Variants in ZNF667 observed in about 807,000 individuals in gnomAD.
The protein encoded by ZNF667 is zinc finger protein 667.
Under a neutral mutation model 31.8 loss-of-function variants are expected in ZNF667, and 13 were observed. The observed-to-expected ratio is 0.41, with a 90% confidence interval of 0.27 to 0.65. ZNF667 has a LOEUF of 0.65. ZNF667 is among the 30% of genes least tolerant of loss of function. The pLI, the probability that ZNF667 is intolerant of heterozygous loss-of-function variation, is 0.32. For missense variants in ZNF667, 642 were observed against 725.6 expected (o/e 0.88, Z 1.32); for synonymous variants, 228 against 247.1 (o/e 0.92, Z 0.73).
upstream of ZNF667, chr19:56,477,428 A>C (rs2043440042): frequency 6.6e-6 from 1 of 151,458 alleles, no homozygotes; most frequent in Admixed American, 6.6e-5. Context: ...GCCCCCAAAC[A>C]AGGCCACGCG....
At chr19:56,464,669 G>A (rs920377689) in intron 3 of ZNF667, among the ~76,000 whole-genome samples, 2 of 152,094 alleles carry the variant, frequency 1.3e-5, no homozygotes, top group Non-Finnish European at 2.9e-5. Flanking sequence ...AGCACTTACC[G>A]CTTTCTGAAA....
intron 6 of ZNF667, among the ~76,000 whole-genome samples, chr19:56,443,964 T>C (rs539718979): frequency 4.1e-4 from 62 of 152,290 alleles, no homozygotes; most frequent in African/African-American, 1.5e-3. Flanking sequence ...TACTGAGGAA[T>C]TGAAATGTGG....
chr19:56,462,492 G>A, intron 3 of ZNF667, 63 bp from the exon 4 acceptor site: 2 of 910,852 alleles, frequency 2.2e-6, no homozygotes, highest in Non-Finnish European at 1.8e-6. Context: ...CTAACCTGGA[G>A]ACACACACAC....
Position 56,462,413 on chromosome 19 carries a change from G to T in ZNF667, c.-43C>A, listed in dbSNP as rs769969463. 20 of 1,613,314 alleles carry T rather than the reference G, an allele frequency of 1.2e-5. No homozygotes were observed. The South Asian group carries it at 1.9e-4, about 15-fold the overall frequency. On this transcript the variant is annotated 5_prime_UTR_variant, in exon 4 of 7. Coordinates refer to ENST00000504904, the MANE Select transcript of ZNF667 (RefSeq NM_001321356.2). ...GGGTCCACACTGAGAGATGGGCAGAGAGCTGGTAAGGCAGGGCTGTGGGGA... is the reference window on the plus strand; with the variant it reads ...GGGTCCACACTGAGAGATGGGCAGATAGCTGGTAAGGCAGGGCTGTGGGGA...
rs1382939408 is a variant in ZNF667, at chr19:56,455,123, G to T, written c.253+3032C>A. ...AGAAAAATGCAAATCAAAACTACAT[G>T]GTATCATCTCACCCCAGTTAAAATG... On this transcript the variant is annotated intron_variant, in intron 6 of 6. Coordinates refer to ENST00000504904, the MANE Select transcript of ZNF667 (RefSeq NM_001321356.2). 3.9e-5 allele frequency among the ~76,000 whole-genome samples: 6 copies of T among 152,124 alleles called. No homozygotes were observed. In the South Asian group the frequency reaches 1.2e-3, roughly 32 times the overall value.
chr19:56,449,859 G>A (rs2042784123), intron 6 of ZNF667, among the ~76,000 whole-genome samples: 1 of 151,622 alleles, frequency 6.6e-6, no homozygotes, highest in South Asian at 2.1e-4. Context: ...GAATGCATCA[G>A]AGTCTCTCAA....
chr19:56,463,490 G>A (rs1035018553), intron 3 of ZNF667, among the ~76,000 whole-genome samples: 5 of 152,072 alleles, frequency 3.3e-5, no homozygotes, highest in South Asian at 2.1e-4. Context: ...AACTGAGCAC[G>A]GGAAATAAAA....
intron 3 of ZNF667, among the ~76,000 whole-genome samples, chr19:56,463,870 T>A (rs1303856934): frequency 1.3e-5 from 2 of 152,110 alleles, no homozygotes; most frequent in Non-Finnish European, 2.9e-5. Context: ...AAAACAATAA[T>A]AAAATAAAAT....
intron 1 of ZNF667, among the ~76,000 whole-genome samples, chr19:56,476,455 T>C (rs1470220695): frequency 6.6e-6 from 1 of 152,034 alleles, no homozygotes; most frequent in Non-Finnish European, 1.5e-5. Context: ...TCTGCCTCTG[T>C]ATAGGGTCAA....
At chr19:56,463,531 C>T (rs987301785) in intron 3 of ZNF667, among the ~76,000 whole-genome samples, 11 of 151,270 alleles carry the variant, frequency 7.3e-5, no homozygotes, top group Admixed American at 1.3e-4. Context: ...ATTTTCTTCC[C>T]TTTTTTTTTC....
Position 56,441,392 on chromosome 19 carries a change from C to A in ZNF667, c.1603G>T (p.Ala535Ser). The change falls in exon 7 of 7, where the codon GCC becomes TCC. Residue 535 changes from alanine to serine, a missense_variant. By Grantham distance (99) the Ala-to-Ser change is moderately conservative (BLOSUM62 1). Transcript: ENST00000504904. This position sits in a 1 kb window ranked among gnomAD's most constrained non-coding sequence, Gnocchi z 4.2. ...KPYTCKTCGK[A>S]FSQRTSLILH... is the part of the protein sequence containing the mutation. ...ATAAGAGATGTGCGCTGACTAAAGG[C>A]CTTACCACATGTTTTGCATGTATAT... 6.2e-7 allele frequency: 1 copy of A among 1,614,100 alleles called. No homozygotes were observed. The highest frequency in any genetic ancestry group is 8.5e-7 in the Non-Finnish European group (1 of 1,180,028).
At chr19:56,463,181 T>C (rs530971263) in intron 3 of ZNF667, among the ~76,000 whole-genome samples, 6 of 151,712 alleles carry the variant, frequency 4.0e-5, no homozygotes, top group East Asian at 1.9e-4. Context: ...GAGGGGGAGC[T>C]GAGAAGGGGA....
intron 5 of ZNF667, 83 bp from the exon 6 acceptor site, chr19:56,458,330 C>T (rs2042976462): frequency 3.4e-6 from 4 of 1,193,374 alleles, no homozygotes; most frequent in Non-Finnish European, 3.7e-6. Flanking sequence ...AACAGGAATG[C>T]AGGTTTAGTA....
chr19:56,455,073 A>G (rs999146546), intron 6 of ZNF667, among the ~76,000 whole-genome samples: 7 of 152,246 alleles, frequency 4.6e-5, no homozygotes, highest in Non-Finnish European at 7.3e-5. Flanking sequence ...GGCATATGAG[A>G]AAGTGCTCAA....
Position 56,442,079 on chromosome 19 carries a change from C to T in ZNF667, c.916G>A (p.Glu306Lys), listed in dbSNP as rs1489358490. 1 of 1,614,134 alleles carries T rather than the reference C, an allele frequency of 6.2e-7. No homozygotes were observed. The highest frequency in any genetic ancestry group is 1.6e-4 in the Middle Eastern group (1 of 6,062). ...FVVHKRIHAGEKIPENAKALS... is the reference protein window; with the variant it reads ...FVVHKRIHAGKKIPENAKALS... Reference sequence around the variant, plus strand: ...GCCTTCGCATTTTCAGGGATTTTCTCTCCAGCATGAATTCTTTTATGTACA... The same window carrying T: ...GCCTTCGCATTTTCAGGGATTTTCTTTCCAGCATGAATTCTTTTATGTACA... The change falls in exon 7 of 7, where the codon GAG (glutamate) becomes AAG (lysine). Residue 306 changes from glutamate (E) to lysine (K), a missense_variant. Physicochemically the swap from Glu to Lys is moderately conservative, Grantham distance 56. Transcript: ENST00000504904.
chr19:56,442,556 T>TTAA lies in ZNF667; in HGVS notation c.438_439insTTA (p.Cys146_Asn147insLeu). On this transcript the variant is annotated inframe_insertion, in exon 7 of 7. Coordinates refer to ENST00000504904, the MANE Select transcript of ZNF667 (RefSeq NM_001321356.2). ...CGACTAAAGGTTTTACCACAGTCATTACATTTTAAAGGTTTCTTCCCTGAA... is the reference window on the plus strand; with the variant it reads ...CGACTAAAGGTTTTACCACAGTCATTTAAACATTTTAAAGGTTTCTTCCCTGAA... 1 of 1,614,116 alleles carries TTAA rather than the reference T, an allele frequency of 6.2e-7. No homozygotes were observed. Among genetic ancestry groups the TTAA allele is most frequent in the Non-Finnish European group, 8.5e-7 (1 of 1,179,992 alleles).
chr19:56,451,887 A>AAACAAC (rs2042833570), intron 6 of ZNF667, among the ~76,000 whole-genome samples: 1 of 103,066 alleles, frequency 9.7e-6, no homozygotes, highest in African/African-American at 3.4e-5. Flanking sequence ...AAAAAAAAAA[A>AAACAAC]AAAAAAAAAA....
chr19:56,477,310 G>C lies in ZNF667; in HGVS notation c.-700C>G. The C allele has an allele frequency of 6.6e-6, 1 of 152,094 alleles. No homozygotes were observed. The highest frequency in any genetic ancestry group is 1.9e-4 in the East Asian group (1 of 5,162). 9.4% of individuals were successfully genotyped at this position (152,094 alleles called of 1,614,324 possible). A position where few individuals can be genotyped will look rare whatever the true frequency, so the allele number is the denominator to read the frequency against. On this transcript the variant is annotated 5_prime_UTR_variant, in exon 1 of 7. Transcript: ENST00000504904. Reference sequence around the variant, plus strand: ...GGCTCAGACCCCGGCGGCGACCACCGAGACAGCCGAGCAGGGACTCAGCGC... The same window carrying C: ...GGCTCAGACCCCGGCGGCGACCACCCAGACAGCCGAGCAGGGACTCAGCGC...
chr19:56,458,882 G>A (rs1447088295), intron 5 of ZNF667, among the ~76,000 whole-genome samples: 1 of 152,182 alleles, frequency 6.6e-6, no homozygotes, highest in Non-Finnish European at 1.5e-5. Flanking sequence ...CCTGAGTTCT[G>A]AAAGCTACTC....
Sources: gnomAD v4.1 joint callset for allele counts (sites outside exome capture counted in the v4.1 genomes callset) on GRCh38, gnomAD v4.1.1 for gene constraint, Gnocchi (gnomAD v3.1) non-coding constraint, MANE v1.5 for transcripts, NCBI Gene and HGNC (gene_info 2026-07-23, HGNC 2026-07-21) for gene names.